The following MYRIP variants were observed in gnomAD, a reference collection of about 807,000 sequenced individuals.
MYRIP encodes the protein myosin VIIA and Rab interacting protein.
MYRIP carries 49 observed loss-of-function variants against 98.0 expected under a neutral mutation model. The observed-to-expected ratio is 0.50, with a 90% CI of 0.40 to 0.63. MYRIP has a LOEUF of 0.63. Ranked by LOEUF, MYRIP falls within the 30% of genes least tolerant of loss-of-function variation. MYRIP has a pLI of 0.00. For missense variants in MYRIP, 1,004 were observed against 1,058.2 expected (o/e 0.95, Z 0.71); for synonymous variants, 404 against 409.5 (o/e 0.99, Z 0.16).
At position 39,940,865 on chromosome 3, in the gene MYRIP, A is replaced by T. The variant is rs191138847; in HGVS notation, c.110+39939A>T. ...AGGACATAGAAGTTTAAAGAAAATA[A>T]AAATTATATCTAATTTCACACCTTA... On this transcript the variant is annotated intron_variant, in intron 2 of 16. Transcript: ENST00000302541. Among the ~76,000 whole-genome samples the T allele has an allele frequency of 5.3e-4, 80 of 152,334 alleles. 1 individual carries two copies. Among genetic ancestry groups the T allele is most frequent in the Non-Finnish European group, 9.4e-4 (64 of 68,038 alleles).
intron 2 of MYRIP, among the ~76,000 whole-genome samples, chr3:39,926,178 GTTAT>G (rs1944418920): frequency 6.6e-6 from 1 of 151,914 alleles, no homozygotes. Flanking sequence ...TTTTGATGGG[GTTAT>G]TTGTTTTTTG....
At chr3:39,950,476 A>G (rs989051921) in intron 2 of MYRIP, among the ~76,000 whole-genome samples, 1 of 152,150 alleles carries the variant, frequency 6.6e-6, no homozygotes, top group Non-Finnish European at 1.5e-5. Context: ...GCATCTGATT[A>G]TGCCCAGCTT....
rs543096691 is a variant in MYRIP, at chr3:39,858,175, T to TA, written c.-30-42611dup. ...CTCACTTTAGCTTTAGGGACACACA[T>TA]AGACTGAAAGTGAAAGGATGGAAAA... On this transcript the variant is annotated intron_variant, in intron 1 of 16. Transcript: ENST00000302541. Among the ~76,000 whole-genome samples, 476 of 152,202 alleles carry TA rather than the reference T, an allele frequency of 3.1e-3. 4 individuals carry two copies. The highest frequency in any genetic ancestry group is 0.011 in the African/African-American group (449 of 41,530).
At chr3:40,147,313 A>G (rs1230734637) in intron 3 of MYRIP, among the ~76,000 whole-genome samples, 1 of 152,152 alleles carries the variant, frequency 6.6e-6, no homozygotes, top group Non-Finnish European at 1.5e-5. Flanking sequence ...TTTTGACTCC[A>G]TTCTGCAAGA....
intron 1 of MYRIP, among the ~76,000 whole-genome samples, chr3:39,881,816 T>A (rs927223347): frequency 1.3e-5 from 2 of 152,092 alleles, no homozygotes; most frequent in African/African-American, 4.8e-5. Flanking sequence ...AGATTTCAGT[T>A]TTTTTCACTA....
chr3:40,074,639 G>A (rs1239204809), intron 3 of MYRIP, among the ~76,000 whole-genome samples: 2 of 152,012 alleles, frequency 1.3e-5, no homozygotes, highest in African/African-American at 2.4e-5. Flanking sequence ...GATGAAAGCA[G>A]AAATTAATTA....
rs752512861 is a variant in MYRIP, at chr3:40,233,872, T to C, written c.1919T>C (p.Val640Ala). The C allele has an allele frequency of 1.2e-6, 2 of 1,612,948 alleles. No homozygotes were observed. The highest frequency in any genetic ancestry group is 1.7e-6 in the Non-Finnish European group (2 of 1,179,688). The change falls in exon 12 of 17, where the codon GTT becomes GCT. Residue 640 changes from valine (V) to alanine (A), a missense_variant. Val to Ala is a moderately conservative substitution (Grantham distance 64). This residue lies in a region of MYRIP where 880 missense variants were observed against 907.7 expected (regional missense o/e 0.97). Coordinates refer to ENST00000302541, the MANE Select transcript of MYRIP (RefSeq NM_015460.4). ...CGGACCAAACAGAAGTTTTCTGCTGTTTCTCTCTGCAACATCTCCACAGAA... is the reference window on the plus strand; with the variant it reads ...CGGACCAAACAGAAGTTTTCTGCTGCTTCTCTCTGCAACATCTCCACAGAA... ...QEELKKKFSA[V>A]SLCNISTEVL...
intron 2 of MYRIP, among the ~76,000 whole-genome samples, chr3:40,005,861 C>T (rs1946621460): frequency 6.6e-6 from 1 of 152,092 alleles, no homozygotes; most frequent in Non-Finnish European, 1.5e-5. Context: ...AATGCATGCA[C>T]ACATATATAT....
chr3:40,190,517 C>T, intron 10 of MYRIP, 54 bp downstream of exon 10: 1 of 1,521,740 alleles, frequency 6.6e-7, no homozygotes, highest in Non-Finnish European at 8.8e-7. Context: ...TAGGATGTGC[C>T]CTACTCCAAG....
rs1200539521 is a variant in MYRIP at position 40,107,044 on chromosome 3, CTT to C, written c.333-44002_333-44001del. Among the ~76,000 whole-genome samples, 5 of 152,326 alleles carry C rather than the reference CTT, an allele frequency of 3.3e-5. No individual in the cohort carries two copies. The East Asian group carries it at 9.6e-4, about 29-fold the overall frequency. ...GATGATAATTGATATGTTTATCACT[CTT>C]TACGTGCCTTATCAATAGATTATGC... On this transcript the variant is annotated intron_variant, in intron 3 of 16. Coordinates refer to ENST00000302541, the MANE Select transcript of MYRIP (RefSeq NM_015460.4).
At chr3:39,838,621 T>C (rs1164644090) in intron 1 of MYRIP, among the ~76,000 whole-genome samples, 1 of 152,200 alleles carries the variant, frequency 6.6e-6, no homozygotes, top group African/African-American at 2.4e-5. Flanking sequence ...TAGTATCTTA[T>C]TGAGGATTTT....
chr3:40,247,467 T>C lies in MYRIP; in HGVS notation c.2263-2755T>C, dbSNP rs548676563. Among the ~76,000 whole-genome samples the C allele has an allele frequency of 7.9e-5, 12 of 152,286 alleles. No homozygotes were observed. The South Asian group carries it at 1.0e-3, about 13-fold the overall frequency. ...CTGAGGAAACTTACCCAAGGTCAAA[T>C]ACCTAGAAAGTGATAAAACCGGGAT... On this transcript the variant is annotated intron_variant, in intron 13 of 16. Coordinates refer to ENST00000302541, the MANE Select transcript of MYRIP (RefSeq NM_015460.4).
intron 11 of MYRIP, among the ~76,000 whole-genome samples, chr3:40,222,717 C>T (rs1015181687): frequency 6.6e-6 from 1 of 152,080 alleles, no homozygotes; most frequent in African/African-American, 2.4e-5. Flanking sequence ...ATTGGAATTC[C>T]CAGGCAGCAC....
chr3:40,224,417 A>C (rs1487518351), intron 11 of MYRIP, among the ~76,000 whole-genome samples: 1 of 124,812 alleles, frequency 8.0e-6, no homozygotes, highest in African/African-American at 3.8e-5. Context: ...AAAAAAGCAA[A>C]AAAAAAAAAA....
intron 3 of MYRIP, among the ~76,000 whole-genome samples, chr3:40,149,344 C>A (rs1348371425): frequency 6.6e-6 from 1 of 152,130 alleles, no homozygotes; most frequent in Non-Finnish European, 1.5e-5. Flanking sequence ...GGAAGGACAC[C>A]AAGCCATTCA....
chr3:39,991,676 G>A (rs1196788585), intron 2 of MYRIP, among the ~76,000 whole-genome samples: 2 of 152,204 alleles, frequency 1.3e-5, no homozygotes, highest in East Asian at 3.9e-4. Context: ...CCACCTTCAA[G>A]TATTTGCTCA....
At chr3:39,847,855 C>A (rs960515752) in intron 1 of MYRIP, among the ~76,000 whole-genome samples, 69 of 152,292 alleles carry the variant, frequency 4.5e-4, no homozygotes, top group Admixed American at 2.3e-3. Context: ...CCTCACCCCC[C>A]AAGGATTTCC....
intron 2 of MYRIP, among the ~76,000 whole-genome samples, chr3:39,932,566 T>C (rs1220178317): frequency 6.6e-6 from 1 of 152,018 alleles, no homozygotes; most frequent in East Asian, 1.9e-4. Flanking sequence ...GGTTTTTGTT[T>C]AGTAGAGTTG....
At chr3:39,851,190 G>C (rs983718442) in intron 1 of MYRIP, among the ~76,000 whole-genome samples, 1 of 152,110 alleles carries the variant, frequency 6.6e-6, no homozygotes, top group Non-Finnish European at 1.5e-5. Flanking sequence ...TTATTTAGTT[G>C]CCAATAATCT....
Sources: gnomAD v4.1 joint callset for allele counts (sites outside exome capture counted in the v4.1 genomes callset) on GRCh38, gnomAD v4.1.1 for gene constraint, gnomAD v4.1.1 regional missense constraint, MANE v1.5 for transcripts, NCBI Gene and HGNC (gene_info 2026-07-23, HGNC 2026-07-21) for gene names.